The following EHBP1 variants were observed in gnomAD, a reference collection of about 807,000 sequenced individuals.
The protein encoded by EHBP1 is EH domain-binding protein 1.
In EHBP1, 55 loss-of-function variants were observed where a neutral mutation model predicts 144.0. That is an observed-to-expected ratio of 0.38 (90% CI 0.31 to 0.48). The LOEUF (loss-of-function observed/expected upper bound fraction) is 0.48, where lower values mean the gene tolerates loss of function less well. Among genes scored for constraint, EHBP1 ranks in the 20% least tolerant of loss-of-function variants. The probability of loss-of-function intolerance (pLI) is 0.98; values close to 1 mark genes in which losing one functional copy is unlikely to be tolerated. For missense variants in EHBP1, 1,200 were observed against 1,364.2 expected, an observed-to-expected ratio of 0.88 and a Z score of 1.90; for synonymous variants, 469 against 472.7, an observed-to-expected ratio of 0.99 and a Z score of 0.10.
chr2:62,960,137 C>T (rs2057924786), intron 14 of EHBP1, among the ~76,000 whole-genome samples: 3 of 152,138 alleles, frequency 2.0e-5, no homozygotes, highest in African/African-American at 7.2e-5. Context: ...CTTAAGTGAT[C>T]ATTTGAATAT....
chr2:62,889,850 A>G (rs1344469105), intron 10 of EHBP1, among the ~76,000 whole-genome samples: 1 of 151,762 alleles, frequency 6.6e-6, no homozygotes, highest in East Asian at 1.9e-4. Context: ...TGGTTACTGT[A>G]GCCCTGTAGT....
At chr2:62,878,537 C>T (rs535367160) in intron 10 of EHBP1, among the ~76,000 whole-genome samples, 2 of 152,276 alleles carry the variant, frequency 1.3e-5, no homozygotes, top group South Asian at 4.1e-4. Flanking sequence ...GGTCAGTATC[C>T]TCTGATGAAT....
chr2:62,903,225 C>T (rs935640931), intron 10 of EHBP1, among the ~76,000 whole-genome samples: 5 of 152,120 alleles, frequency 3.3e-5, no homozygotes, highest in South Asian at 2.1e-4. Flanking sequence ...ATTAAAATTA[C>T]ATGCTAAGTC....
At chr2:63,002,565 A>G (rs531952007) in intron 19 of EHBP1, among the ~76,000 whole-genome samples, 90 of 152,186 alleles carry the variant, frequency 5.9e-4, no homozygotes, top group Admixed American at 3.1e-3. Context: ...AAATTTTTCC[A>G]TTTCTGGAGG....
intron 19 of EHBP1, among the ~76,000 whole-genome samples, chr2:63,014,319 C>A (rs940475230): frequency 7.2e-5 from 11 of 152,134 alleles, no homozygotes; most frequent in South Asian, 6.2e-4. Flanking sequence ...AAGTGTTCTG[C>A]TTTTCCATGT....
intron 3 of EHBP1, among the ~76,000 whole-genome samples, chr2:62,757,426 CTTTTTTT>C (rs555494268): frequency 2.7e-5 from 3 of 113,040 alleles, no homozygotes; most frequent in South Asian, 2.9e-4. Flanking sequence ...TTTTTTTTTT[CTTTTTTT>C]TTTTTTTTTT....
chr2:62,734,768 T>C (rs1291508082), intron 2 of EHBP1, among the ~76,000 whole-genome samples: 1 of 152,198 alleles, frequency 6.6e-6, no homozygotes, highest in African/African-American at 2.4e-5. Context: ...TGCATGTGTG[T>C]GTTTTAATAG....
At chr2:62,961,496 A>G (rs1400926873) in intron 14 of EHBP1, among the ~76,000 whole-genome samples, 1 of 151,944 alleles carries the variant, frequency 6.6e-6, no homozygotes, top group Admixed American at 6.6e-5. Flanking sequence ...AATTTTACTA[A>G]TGTAAGTTTT....
chr2:62,845,274 C>G (rs1023894113), intron 7 of EHBP1, among the ~76,000 whole-genome samples: 1 of 152,114 alleles, frequency 6.6e-6, no homozygotes, highest in African/African-American at 2.4e-5. Context: ...TCTTCCCATC[C>G]AGATGCAATT....
intron 10 of EHBP1, among the ~76,000 whole-genome samples, chr2:62,892,730 A>G (rs907819838): frequency 6.6e-6 from 1 of 152,076 alleles, no homozygotes; most frequent in African/African-American, 2.4e-5. Flanking sequence ...AAAATTATTT[A>G]TTTGCTCCCT....
intron 2 of EHBP1, among the ~76,000 whole-genome samples, chr2:62,723,649 A>G (rs2036454512): frequency 6.6e-6 from 1 of 152,174 alleles, no homozygotes; most frequent in Non-Finnish European, 1.5e-5. Context: ...TGTTTCCTTT[A>G]GGAGCTCTTG....
intron 10 of EHBP1, among the ~76,000 whole-genome samples, chr2:62,902,654 A>G (rs902408533): frequency 9.2e-5 from 14 of 152,210 alleles, no homozygotes; most frequent in Non-Finnish European, 1.9e-4. Flanking sequence ...TGTAATAGTT[A>G]AAACTGTGAA....
rs1279935597 is a variant in EHBP1, at chr2:62,747,461, A to G, written c.162+9A>G. The G allele has an allele frequency of 1.3e-6, 2 of 1,597,712 alleles. No homozygotes were observed. Among genetic ancestry groups the G allele is most frequent in the African/African-American group, 1.3e-5 (1 of 74,324 alleles). ...GAAGGAAGTCTTCTAAGGTTAGTGT[A>G]TTTTCTAAATTTCTTACCTAATTGT... On this transcript the variant is annotated intron_variant, in intron 3 of 22. Transcript: ENST00000431489.
intron 19 of EHBP1, among the ~76,000 whole-genome samples, chr2:63,018,303 A>C (rs1487439576): frequency 2.6e-5 from 4 of 152,224 alleles, no homozygotes; most frequent in African/African-American, 9.7e-5. Context: ...TACAAGGAAA[A>C]TTAAAATATC....
chr2:62,845,142 G>A (rs1354680685), intron 7 of EHBP1, among the ~76,000 whole-genome samples: 3 of 139,598 alleles, frequency 2.1e-5, no homozygotes, highest in Non-Finnish European at 3.1e-5. Context: ...TAATACCTTT[G>A]TACCAGTCTC....
chr2:63,042,749 T>A (rs1469258091), intron 21 of EHBP1, among the ~76,000 whole-genome samples: 1 of 151,938 alleles, frequency 6.6e-6, no homozygotes, highest in African/African-American at 2.4e-5. Flanking sequence ...TCAATATTAA[T>A]GAAATCTTGG....
At chr2:62,684,916 T>C (rs150609884) in intron 1 of EHBP1, among the ~76,000 whole-genome samples, 59 of 152,312 alleles carry the variant, frequency 3.9e-4, no homozygotes, top group South Asian at 1.5e-3. Flanking sequence ...CTCACAGCTC[T>C]GGAGGTTAGA....
chr2:62,809,852 A>T (rs114312501), intron 5 of EHBP1, among the ~76,000 whole-genome samples: 330 of 151,736 alleles, frequency 2.2e-3, no homozygotes, highest in African/African-American at 7.1e-3. Context: ...TCCAAAAAAA[A>T]TTTTTTTTTG....
intron 10 of EHBP1, among the ~76,000 whole-genome samples, chr2:62,940,915 TTACA>T (rs1477737461): frequency 6.6e-6 from 1 of 152,166 alleles, no homozygotes; most frequent in African/African-American, 2.4e-5. Flanking sequence ...TCTTTAGTTC[TTACA>T]TACAGAAAGC....
Sources: allele counts gnomAD v4.1 joint callset (sites outside exome capture counted in the v4.1 genomes callset), GRCh38; gene constraint gnomAD v4.1.1; transcripts MANE v1.5; gene names NCBI Gene and HGNC (gene_info 2026-07-23, HGNC 2026-07-21).